CTNNA2: variants seen among roughly 807,000 people sequenced by gnomAD.
CTNNA2 encodes the protein catenin alpha-2.
CTNNA2 carries 42 observed loss-of-function variants against 101.0 expected under a neutral mutation model. The observed-to-expected ratio is 0.42, with a 90% CI of 0.32 to 0.54. CTNNA2 has a LOEUF of 0.54. Among genes scored for constraint, CTNNA2 ranks in the 20% least tolerant of loss-of-function variants. CTNNA2 has a pLI of 0.14. For synonymous variants in CTNNA2, 450 were observed against 456.4 expected, an observed-to-expected ratio of 0.99 and a Z score of 0.18; for missense variants, 871 against 1,223.1, an observed-to-expected ratio of 0.71 and a Z score of 4.29.
At chr2:80,329,548 G>T (rs183805244) in intron 7 of CTNNA2, among the ~76,000 whole-genome samples, 114 of 152,272 alleles carry the variant, frequency 7.5e-4, no homozygotes, top group African/African-American at 2.4e-3. Context: ...AGGATGTAGG[G>T]AACAGGTTGG....
chr2:79,361,394 C>T (rs1677626076), intron 3 of CTNNA2, among the ~76,000 whole-genome samples: 1 of 152,218 alleles, frequency 6.6e-6, no homozygotes, highest in Non-Finnish European at 1.5e-5. Context: ...GTGACAATAT[C>T]AGAGAGATGA....
intron 8 of CTNNA2, among the ~76,000 whole-genome samples, chr2:80,406,033 A>G (rs932588254): frequency 6.6e-6 from 1 of 152,210 alleles, no homozygotes; most frequent in Non-Finnish European, 1.5e-5. Context: ...ATGAGTTGCA[A>G]CTATCTAAAG....
At chr2:79,912,815 G>A (rs1202144997) in intron 7 of CTNNA2, among the ~76,000 whole-genome samples, 13 of 152,174 alleles carry the variant, frequency 8.5e-5, no homozygotes, top group Non-Finnish European at 1.5e-5. Context: ...GTATTATGCT[G>A]AGTACTTTAA....
chr2:80,598,936 T>C (rs1309769982), intron 15 of CTNNA2, among the ~76,000 whole-genome samples: 2 of 152,144 alleles, frequency 1.3e-5, no homozygotes, highest in African/African-American at 4.8e-5. Flanking sequence ...TGTGTCTCAA[T>C]TGTAGTAGTT....
At chr2:79,842,989 T>A (rs999905400) in intron 3 of CTNNA2, among the ~76,000 whole-genome samples, 1 of 152,212 alleles carries the variant, frequency 6.6e-6, no homozygotes, top group East Asian at 1.9e-4. Flanking sequence ...AAAATAGATT[T>A]GTACAATGCT....
intron 18 of CTNNA2, among the ~76,000 whole-genome samples, chr2:80,638,635 C>T (rs533488597): frequency 6.6e-6 from 1 of 152,210 alleles, no homozygotes; most frequent in African/African-American, 2.4e-5. Context: ...AACTGTTTCA[C>T]CTTTATTGGT....
At chr2:79,844,220 A>G (rs557867315) in intron 3 of CTNNA2, among the ~76,000 whole-genome samples, 2 of 152,330 alleles carry the variant, frequency 1.3e-5, no homozygotes, top group South Asian at 4.1e-4. Context: ...GAGACTGCCA[A>G]GATAATCTCA....
intron 7 of CTNNA2, among the ~76,000 whole-genome samples, chr2:79,935,760 C>T (rs938916379): frequency 6.6e-6 from 1 of 152,208 alleles, no homozygotes; most frequent in Non-Finnish European, 1.5e-5. Flanking sequence ...TGATTATTTT[C>T]GAAAGAATGT....
intron 2 of CTNNA2, among the ~76,000 whole-genome samples, chr2:79,694,612 G>A (rs550708208): frequency 6.6e-6 from 1 of 151,678 alleles, no homozygotes; most frequent in African/African-American, 2.4e-5. Context: ...CAGATTATAA[G>A]CCTCAAATCA....
intron 7 of CTNNA2, among the ~76,000 whole-genome samples, chr2:79,924,086 G>A (rs903243772): frequency 1.3e-5 from 2 of 152,006 alleles, no homozygotes; most frequent in Non-Finnish European, 2.9e-5. Flanking sequence ...GTGGATGAAT[G>A]GATAAAGAAA....
At chr2:80,589,203 C>T (rs972027109) in intron 14 of CTNNA2, 101 bp from the exon 15 acceptor site, 27 of 1,223,036 alleles carry the variant, frequency 2.2e-5, no homozygotes, top group Non-Finnish European at 3.0e-5. Context: ...GCTCATAAGC[C>T]TTTGCAGGGT....
intron 4 of CTNNA2, among the ~76,000 whole-genome samples, chr2:79,458,029 C>T (rs1039802159): frequency 6.6e-6 from 1 of 152,138 alleles, no homozygotes; most frequent in African/African-American, 2.4e-5. Flanking sequence ...GCTGGAAATA[C>T]CCAGAGCAAA....
intron 2 of CTNNA2, among the ~76,000 whole-genome samples, chr2:79,651,994 A>G (rs1179544518): frequency 6.6e-6 from 1 of 152,106 alleles, no homozygotes; most frequent in East Asian, 1.9e-4. Flanking sequence ...ATTAGGAAAA[A>G]CTGTGTTGAC....
chr2:80,241,986 A>G (rs969097616), intron 7 of CTNNA2, among the ~76,000 whole-genome samples: 1 of 152,340 alleles, frequency 6.6e-6, no homozygotes, highest in Non-Finnish European at 1.5e-5. Context: ...ATCCACAGCA[A>G]GTTAACTCAT....
At position 79,199,235 on chromosome 2, in the gene CTNNA2, T is replaced by A. The variant is rs573742729; in HGVS notation, c.-406+1159T>A. On this transcript the variant is annotated intron_variant, in intron 2 of 21. Coordinates refer to the CTNNA2 transcript ENST00000466387. ...AACATGTGTGGCAGACATTGTTAAC[T>A]GTGTGCTCTGTGTTCTTTCCTGCAC... Among the ~76,000 whole-genome samples the A allele has an allele frequency of 2.0e-5, 3 of 152,308 alleles. No individual in the cohort carries two copies. The East Asian group carries it at 5.8e-4, about 29-fold the overall frequency.
intron 3 of CTNNA2, among the ~76,000 whole-genome samples, chr2:79,749,999 T>C (rs1251107084): frequency 3.3e-5 from 5 of 152,314 alleles, no homozygotes; most frequent in African/African-American, 7.2e-5. Flanking sequence ...ATGAAGAAGA[T>C]TGAGTAGCTC....
intron 7 of CTNNA2, among the ~76,000 whole-genome samples, chr2:79,953,239 C>T (rs1057004860): frequency 2.6e-5 from 4 of 152,142 alleles, no homozygotes; most frequent in Admixed American, 6.5e-5. Context: ...ACCCTTCTTA[C>T]GTTTGGCACC....
intron 9 of CTNNA2, among the ~76,000 whole-genome samples, chr2:80,459,529 C>A (rs984397454): frequency 1.3e-5 from 2 of 152,032 alleles, no homozygotes; most frequent in African/African-American, 4.8e-5. Flanking sequence ...ATAACATGGG[C>A]CCAGGCAGAA....
chr2:80,409,544 C>T (rs1559085539), intron 8 of CTNNA2, among the ~76,000 whole-genome samples: 1 of 152,072 alleles, frequency 6.6e-6, no homozygotes, highest in African/African-American at 2.4e-5. Context: ...GTCTTGTTTT[C>T]TTCTGTATCC....
Sources: gnomAD v4.1 joint callset for allele counts (sites outside exome capture counted in the v4.1 genomes callset) on GRCh38, gnomAD v4.1.1 for gene constraint, MANE v1.5 for transcripts, NCBI Gene and HGNC (gene_info 2026-07-23, HGNC 2026-07-21) for gene names.